FANCA: variants seen among roughly 807,000 people sequenced by gnomAD.
FANCA encodes the protein Fanconi anemia group A protein.
A neutral mutation model predicts 194.3 loss-of-function variants in FANCA; 236 were observed. The ratio of observed to expected loss-of-function variants is 1.21; its 90% CI spans 1.09 to 1.35. The LOEUF is 1.35. Among genes scored for constraint, FANCA ranks in the 40% most tolerant of loss-of-function variants. The probability of loss-of-function intolerance (pLI) is 0.00; values close to 1 mark genes in which losing one functional copy is unlikely to be tolerated. For missense variants in FANCA, 2,628 were observed against 1,813.9 expected, an observed-to-expected ratio of 1.45 and a Z score of -8.15; for synonymous variants, 1,014 against 715.8, an observed-to-expected ratio of 1.42 and a Z score of -6.65.
At position 89,778,790 on chromosome 16, in the gene FANCA, T is replaced by C. The variant is rs369434415; in HGVS notation, c.1826+11A>G. 25 of 1,613,430 alleles carry C rather than the reference T, an allele frequency of 1.5e-5. No homozygotes were observed. The highest frequency in any genetic ancestry group is 2.1e-5 in the Non-Finnish European group (25 of 1,179,498). ...GGAAGTAGTCATCCCCTTCTAACCG[T>C]TGCTGCATACCTCTTCAGAGACTCT... On this transcript the variant is annotated intron_variant, in intron 20 of 42. Transcript: ENST00000389301.
chr16:89,768,350 C>T (rs1567616965), intron 26 of FANCA, among the ~76,000 whole-genome samples: 1 of 152,222 alleles, frequency 6.6e-6, no homozygotes, highest in Non-Finnish European at 1.5e-5. Context: ...GGTGTTCTTA[C>T]AGTTCTAATA....
At chr16:89,792,667 T>C in intron 11 of FANCA, 120 bp from the exon 12 acceptor site, 1 of 784,376 alleles carries the variant, frequency 1.3e-6, no homozygotes, top group South Asian at 1.4e-5. Flanking sequence ...CGAGAGAGTG[T>C]AGAAAGAAAG....
At chr16:89,777,077 G>A (rs931366905) in intron 20 of FANCA, among the ~76,000 whole-genome samples, 2 of 152,142 alleles carry the variant, frequency 1.3e-5, no homozygotes, top group African/African-American at 4.8e-5. Flanking sequence ...GGGTGTGGTG[G>A]AGCGCGCCTC....
intron 32 of FANCA, among the ~76,000 whole-genome samples, chr16:89,749,427 A>C (rs2038504534): frequency 6.6e-6 from 1 of 152,242 alleles, no homozygotes; most frequent in African/African-American, 2.4e-5. Flanking sequence ...GCGTTTCGCC[A>C]TGTTGGTCAG....
At position 89,746,935 on chromosome 16, in the gene FANCA, A is replaced by C. The variant is rs1340239133; in HGVS notation, c.3349-45T>G. 6 of 1,513,400 alleles carry C rather than the reference A, an allele frequency of 4.0e-6. No individual in the cohort carries two copies. The South Asian group carries it at 4.8e-5, about 12-fold the overall frequency. 93.7% of individuals were successfully genotyped at this position (1,513,400 alleles called of 1,614,324 possible). Reference sequence around the variant, plus strand: ...AGGTAAGAAAAGCCCACAGGAAGAGAGGCGAGACCAACATGCAGAGTGGCT... The same window carrying C: ...AGGTAAGAAAAGCCCACAGGAAGAGCGGCGAGACCAACATGCAGAGTGGCT... On this transcript the variant is annotated intron_variant, in intron 33 of 42. Coordinates refer to ENST00000389301, the MANE Select transcript of FANCA (RefSeq NM_000135.4).
At chr16:89,813,456 G>C (rs1436480892) in intron 3 of FANCA, among the ~76,000 whole-genome samples, 1 of 150,996 alleles carries the variant, frequency 6.6e-6, no homozygotes, top group African/African-American at 2.4e-5. Flanking sequence ...TTCTGAGACA[G>C]AGTTTTGCTC....
chr16:89,815,119 C>A (rs2041053292), intron 2 of FANCA, among the ~76,000 whole-genome samples: 1 of 151,974 alleles, frequency 6.6e-6, no homozygotes, highest in South Asian at 2.1e-4. Flanking sequence ...TCACGGCGAC[C>A]TCCACCTCCC....
intron 36 of FANCA, among the ~76,000 whole-genome samples, chr16:89,744,399 G>T (rs921169294): frequency 1.3e-5 from 2 of 152,162 alleles, no homozygotes; most frequent in African/African-American, 4.8e-5. Context: ...CCTCAGAAGG[G>T]TGTGTGAGCC....
chr16:89,791,599 G>T, intron 13 of FANCA, 63 bp from the exon 14 acceptor site: 2 of 1,603,088 alleles, frequency 1.2e-6, no homozygotes, highest in Non-Finnish European at 8.5e-7. Context: ...CATGACGTGA[G>T]TTATGCTGGG....
chr16:89,768,583 G>A (rs1174889159), intron 26 of FANCA, among the ~76,000 whole-genome samples: 1 of 152,028 alleles, frequency 6.6e-6, no homozygotes, highest in East Asian at 1.9e-4. Flanking sequence ...TTGAACCCGG[G>A]AGGCGGAGGT....
chr16:89,806,042 G>A (rs1301285493), intron 6 of FANCA, among the ~76,000 whole-genome samples: 3 of 151,902 alleles, frequency 2.0e-5, no homozygotes, highest in Admixed American at 6.6e-5. Context: ...CCTCCACAAC[G>A]GCTGGGATTA....
intron 8 of FANCA, among the ~76,000 whole-genome samples, chr16:89,802,115 G>A (rs1374038765): frequency 2.0e-5 from 3 of 152,062 alleles, no homozygotes; most frequent in African/African-American, 7.2e-5. Flanking sequence ...ACGGAATACT[G>A]GTCAGCTTTA....
In FANCA at chr16:89,738,069, T is replaced by C. The variant is rs754517034; in HGVS notation, c.*532A>G. On this transcript the variant is annotated 3_prime_UTR_variant, in exon 43 of 43. Coordinates refer to ENST00000389301, the MANE Select transcript of FANCA (RefSeq NM_000135.4). ...CTGAGACTGAGCTGGACTTTGCCTG[T>C]GACCAGTGTGGCCGGCGGTTTGAGA... The C allele has an allele frequency of 2.4e-5, 38 of 1,614,014 alleles. No individual in the cohort carries two copies. The African/African-American group carries it at 2.8e-4, about 12-fold the overall frequency.
At chr16:89,774,190 C>G (rs1444893004) in intron 21 of FANCA, among the ~76,000 whole-genome samples, 2 of 152,138 alleles carry the variant, frequency 1.3e-5, no homozygotes, top group African/African-American at 2.4e-5. Flanking sequence ...CAGCCACAGC[C>G]AAAATGAAAC....
chr16:89,771,068 G>A (rs2143343915), intron 23 of FANCA, among the ~76,000 whole-genome samples: 1 of 151,530 alleles, frequency 6.6e-6, no homozygotes, highest in Non-Finnish European at 1.5e-5. Flanking sequence ...AGGAAGCTGA[G>A]GCAAGAGAAC....
chr16:89,791,379 G>A (rs1184377570), intron 14 of FANCA, 24 bp downstream of exon 14: 1 of 1,612,552 alleles, frequency 6.2e-7, no homozygotes. Flanking sequence ...CAGGTATTAG[G>A]TAGCCGATTG....
rs2039389415 is a variant in FANCA, at chr16:89,773,337, G to C, written c.1948C>G (p.Leu650Val). The change falls in exon 22 of 43, where the codon CTG (leucine) becomes GTG (valine). Residue 650 changes from leucine to valine, a missense_variant. Physicochemically the swap from Leu to Val is conservative, Grantham distance 32. Transcript: ENST00000389301. ...RAEPNSAEEP[L>V]GQLTAALGEL... ...CCCAGTGCAGCTGTGAGCTGTCCCAGGGGCTCCTCAGCAGAGTTGGGTTCT... is the reference window on the plus strand; with the variant it reads ...CCCAGTGCAGCTGTGAGCTGTCCCACGGGCTCCTCAGCAGAGTTGGGTTCT... The C allele has an allele frequency of 3.2e-6, 5 of 1,551,594 alleles. No individual in the cohort carries two copies. The highest frequency in any genetic ancestry group is 4.4e-6 in the Non-Finnish European group (5 of 1,146,978).
chr16:89,780,039 G>C (rs748578069), intron 17 of FANCA, 82 bp from the exon 18 acceptor site: 49 of 1,237,390 alleles, frequency 4.0e-5, no homozygotes, highest in Non-Finnish European at 5.1e-5. Flanking sequence ...CACTCAACCT[G>C]TGCTTCCTTG....
chr16:89,776,044 T>C (rs2039490213), intron 20 of FANCA, among the ~76,000 whole-genome samples: 2 of 151,476 alleles, frequency 1.3e-5, no homozygotes, highest in African/African-American at 4.8e-5. Context: ...TCTAAGGAGC[T>C]AGACCACAAA....
Sources: gnomAD v4.1 joint callset for allele counts (sites outside exome capture counted in the v4.1 genomes callset) on GRCh38, gnomAD v4.1.1 for gene constraint, MANE v1.5 for transcripts, NCBI Gene and HGNC (gene_info 2026-07-23, HGNC 2026-07-21) for gene names.